The following MYO16 variants were observed in gnomAD, a reference collection of about 807,000 sequenced individuals.
The protein encoded by MYO16 is myosin XVI.
MYO16 carries 94 observed loss-of-function variants against 205.3 expected under a neutral mutation model. The ratio of observed to expected loss-of-function variants is 0.46; its 90% confidence interval spans 0.39 to 0.54. The LOEUF is 0.54. MYO16 is among the 20% of genes least tolerant of loss of function. The pLI is 0.00. For synonymous variants in MYO16, 988 were observed against 954.0 expected (o/e 1.04, Z -0.66); for missense variants, 2,315 against 2,387.5 (o/e 0.97, Z 0.63).
At chr13:108,835,586 G>A (rs750744988) in intron 9 of MYO16, among the ~76,000 whole-genome samples, 2 of 152,180 alleles carry the variant, frequency 1.3e-5, no homozygotes, top group Non-Finnish European at 2.9e-5. Context: ...TTGAAGGGCT[G>A]AGAAGAAGAC....
At chr13:108,733,190 A>G (rs1036982079) in intron 4 of MYO16, among the ~76,000 whole-genome samples, 3 of 152,204 alleles carry the variant, frequency 2.0e-5, no homozygotes, top group Non-Finnish European at 4.4e-5. Flanking sequence ...GAACAGTGCT[A>G]CTTGAATTGA....
intron 16 of MYO16, among the ~76,000 whole-genome samples, chr13:108,915,773 A>G (rs1881470944): frequency 6.6e-6 from 1 of 152,204 alleles, no homozygotes; most frequent in Non-Finnish European, 1.5e-5. Context: ...GCAGGATAAC[A>G]TTTGTGAGTA....
At chr13:108,857,278 G>A (rs1341900212) in intron 11 of MYO16, among the ~76,000 whole-genome samples, 1 of 152,192 alleles carries the variant, frequency 6.6e-6, no homozygotes, top group Non-Finnish European at 1.5e-5. Context: ...CTCATTGGTA[G>A]TTTGTTAACA....
chr13:109,040,361 T>TACAC (rs367712905), intron 23 of MYO16, among the ~76,000 whole-genome samples: 4,782 of 112,568 alleles, frequency 0.042, 137 homozygotes, highest in Non-Finnish European at 0.06. Context: ...GACAGTAGCA[T>TACAC]ACACACACAC....
chr13:109,029,742 A>G (rs770263577), intron 23 of MYO16, among the ~76,000 whole-genome samples: 8 of 152,148 alleles, frequency 5.3e-5, no homozygotes, highest in Admixed American at 1.3e-4. Context: ...TTTGAAAAAT[A>G]AAAAGTAGCT....
chr13:108,716,762 A>C (rs577278162), intron 3 of MYO16, among the ~76,000 whole-genome samples: 14 of 152,324 alleles, frequency 9.2e-5, no homozygotes, highest in Admixed American at 3.9e-4. Flanking sequence ...GTGGGCATCA[A>C]GAATCAGCTG....
Position 109,141,322 on chromosome 13 carries a change from GGGA to G in MYO16, c.5115_5117del (p.Arg1705del), listed in dbSNP as rs1161125503. On this transcript the variant is annotated inframe_deletion, in exon 32 of 35. Transcript: ENST00000457511. The surrounding 1 kb of genome is among the most constrained non-coding windows in gnomAD (Gnocchi z 4.1). Reference sequence around the variant, plus strand: ...CGAGCTCGCCAGCCTCTTCAACTCGGGGAGGAGTGTGCTTCGGAAATCCGCGGC... The same window carrying G: ...CGAGCTCGCCAGCCTCTTCAACTCGGGGAGTGTGCTTCGGAAATCCGCGGC... The G allele has an allele frequency of 6.3e-7, 1 of 1,578,450 alleles. No homozygotes were observed. The highest frequency in any genetic ancestry group is 1.4e-5 in the African/African-American group (1 of 72,230).
intron 4 of MYO16, among the ~76,000 whole-genome samples, chr13:108,754,116 G>A (rs961422970): frequency 6.6e-6 from 1 of 152,122 alleles, no homozygotes; most frequent in South Asian, 2.1e-4. Context: ...GTAGCATGCA[G>A]AACAAACTGT....
At chr13:108,942,846 GT>G (rs1409208449) in intron 16 of MYO16, among the ~76,000 whole-genome samples, 2 of 152,156 alleles carry the variant, frequency 1.3e-5, no homozygotes, top group African/African-American at 4.8e-5. Flanking sequence ...TATACAATTT[GT>G]TCAAGTCGAT....
At chr13:109,068,105 A>G (rs569407195) in intron 27 of MYO16, among the ~76,000 whole-genome samples, 1 of 152,262 alleles carries the variant, frequency 6.6e-6, no homozygotes, top group East Asian at 1.9e-4. Flanking sequence ...CCCTAATTCA[A>G]TATTTTGAGA....
chr13:108,568,724 T>A, the MYO16 span, among the ~76,000 whole-genome samples: 67 of 151,288 alleles, frequency 4.4e-4, no homozygotes, highest in African/African-American at 1.4e-3. Context: ...TATTATTATT[T>A]TTTGCTACTT....
Position 108,804,343 on chromosome 13 carries a change from T to C in MYO16, c.742-2336T>C, listed in dbSNP as rs117025729. On this transcript the variant is annotated intron_variant, in intron 6 of 34. Coordinates refer to ENST00000457511, the MANE Select transcript of MYO16 (RefSeq NM_001198950.3). ...TGCTGCTAGTTCACAGCAGAAATGA[T>C]AACCACCTCTGTGTTTCTCACAGGG... 1.0e-2 allele frequency among the ~76,000 whole-genome samples: 1,522 copies of C among 152,334 alleles called. 11 individuals carry two copies. Among genetic ancestry groups the C allele is most frequent in the Middle Eastern group, 0.034 (10 of 294 alleles).
intron 4 of MYO16, among the ~76,000 whole-genome samples, chr13:108,743,570 C>CT (rs1884973598): frequency 6.6e-6 from 1 of 152,184 alleles, no homozygotes. Flanking sequence ...CATTATCACT[C>CT]TTTTACTTCA....
chr13:108,713,855 T>G (rs1434167230), intron 3 of MYO16, among the ~76,000 whole-genome samples: 2 of 152,198 alleles, frequency 1.3e-5, no homozygotes, highest in East Asian at 3.9e-4. Context: ...TTCTCTGGAA[T>G]GTTTTGGTTA....
At chr13:108,496,567 G>T in the MYO16 span, among the ~76,000 whole-genome samples, 2 of 152,182 alleles carry the variant, frequency 1.3e-5, no homozygotes, top group Admixed American at 6.5e-5. Context: ...GAGCCTCAGC[G>T]CATCGCCCCG....
At position 108,961,800 on chromosome 13, in the gene MYO16, C is replaced by G. The variant is rs562428516; in HGVS notation, c.2155+144C>G. 2.9e-4 allele frequency: 188 copies of G among 654,626 alleles called. No individual in the cohort carries two copies. In the African/African-American group the frequency reaches 3.1e-3, roughly 11 times the overall value. 40.6% of individuals were successfully genotyped at this position (654,626 alleles called of 1,614,324 possible). A position where few individuals can be genotyped will look rare whatever the true frequency, so the allele number is the denominator to read the frequency against. On this transcript the variant is annotated intron_variant, in intron 18 of 34. Transcript: ENST00000457511. Reference sequence around the variant, plus strand: ...GAATTCAGTGAGGGGGGGAAATTGTCTACTTTGTTTTTTCTTAAAATCTGT... The same window carrying G: ...GAATTCAGTGAGGGGGGGAAATTGTGTACTTTGTTTTTTCTTAAAATCTGT...
chr13:109,034,059 G>A (rs577669817), intron 23 of MYO16, among the ~76,000 whole-genome samples: 30 of 152,188 alleles, frequency 2.0e-4, no homozygotes, highest in African/African-American at 5.3e-4. Context: ...GCAAATGGGC[G>A]TACCTTGAAG....
At chr13:108,712,793 T>C in intron 3 of MYO16, 62 bp downstream of exon 3, 1 of 1,332,300 alleles carries the variant, frequency 7.5e-7, no homozygotes, top group Non-Finnish European at 1.0e-6. Flanking sequence ...ACATTACAGG[T>C]TCAAACCCAG....
At chr13:108,825,638 A>G (rs1009824562) in intron 9 of MYO16, among the ~76,000 whole-genome samples, 1 of 151,462 alleles carries the variant, frequency 6.6e-6, no homozygotes, top group African/African-American at 2.4e-5. Flanking sequence ...TGAAGAAGTA[A>G]AACTATCTCT....
Sources: gnomAD v4.1 joint callset for allele counts (sites outside exome capture counted in the v4.1 genomes callset) on GRCh38, gnomAD v4.1.1 for gene constraint, Gnocchi (gnomAD v3.1) non-coding constraint, MANE v1.5 for transcripts, NCBI Gene and HGNC (gene_info 2026-07-23, HGNC 2026-07-21) for gene names.